The following CSMD1 variants were observed in gnomAD, a reference collection of about 807,000 sequenced individuals.
CSMD1 encodes CUB and sushi domain-containing protein 1.
In CSMD1, 213 loss-of-function variants were observed where a neutral mutation model predicts 417.5. That is an observed-to-expected ratio of 0.51 (90% CI 0.46 to 0.57). The LOEUF (loss-of-function observed/expected upper bound fraction) is 0.57. CSMD1 is among the 20% of genes least tolerant of loss of function. The probability of loss-of-function intolerance (pLI) is 0.00; values close to 1 mark genes in which losing one functional copy is unlikely to be tolerated. For synonymous variants in CSMD1, 2,862 were observed against 1,736.8 expected, an observed-to-expected ratio of 1.65 and a Z score of -16.11; for missense variants, 6,923 against 4,529.7, an observed-to-expected ratio of 1.53 and a Z score of -15.17.
chr8:3,244,106 G>A (rs561662484), intron 26 of CSMD1, among the ~76,000 whole-genome samples: 3 of 152,110 alleles, frequency 2.0e-5, no homozygotes, highest in Non-Finnish European at 4.4e-5. Flanking sequence ...AGATCACAAC[G>A]TGCGCATTAC....
At chr8:3,668,685 A>G (rs191625035) in intron 7 of CSMD1, among the ~76,000 whole-genome samples, 61 of 152,266 alleles carry the variant, frequency 4.0e-4, no homozygotes, top group African/African-American at 1.3e-3. Context: ...GAGATCAACC[A>G]GGAGTCGAAG....
At chr8:4,891,839 T>C (rs990609854) in intron 1 of CSMD1, among the ~76,000 whole-genome samples, 4 of 152,164 alleles carry the variant, frequency 2.6e-5, no homozygotes, top group Non-Finnish European at 5.9e-5. Context: ...TTGTGTAGAC[T>C]ATACACCTTG....
At chr8:4,414,244 G>C (rs1040612330) in intron 3 of CSMD1, among the ~76,000 whole-genome samples, 1 of 152,128 alleles carries the variant, frequency 6.6e-6, no homozygotes, top group African/African-American at 2.4e-5. Flanking sequence ...ATGTGTCAGA[G>C]GGAAATGCCA....
chr8:3,481,451 T>C (rs1817746153), intron 11 of CSMD1, among the ~76,000 whole-genome samples: 1 of 152,148 alleles, frequency 6.6e-6, no homozygotes, highest in Non-Finnish European at 1.5e-5. Flanking sequence ...CAAGTGCAGT[T>C]TCCATACTTC....
chr8:4,511,896 G>A (rs1051569560), intron 2 of CSMD1, among the ~76,000 whole-genome samples: 1 of 152,110 alleles, frequency 6.6e-6, no homozygotes, highest in Non-Finnish European at 1.5e-5. Flanking sequence ...TTGGGGAGGG[G>A]AAAAGGAACC....
chr8:4,177,193 C>T (rs1798099357), intron 3 of CSMD1, among the ~76,000 whole-genome samples: 1 of 152,126 alleles, frequency 6.6e-6, no homozygotes, highest in African/African-American at 2.4e-5. Flanking sequence ...AAGCTCTCCT[C>T]AGCAAATGTA....
intron 12 of CSMD1, among the ~76,000 whole-genome samples, chr8:3,432,144 G>A (rs1814258273): frequency 6.6e-6 from 1 of 152,180 alleles, no homozygotes; most frequent in African/African-American, 2.4e-5. Flanking sequence ...TGACTCAGTA[G>A]ATTGCTTGGT....
At chr8:3,642,425 C>T (rs2117323436) in intron 7 of CSMD1, among the ~76,000 whole-genome samples, 1 of 152,192 alleles carries the variant, frequency 6.6e-6, no homozygotes, top group African/African-American at 2.4e-5. Flanking sequence ...TTTATGATAC[C>T]TATATGGCTC....
intron 3 of CSMD1, among the ~76,000 whole-genome samples, chr8:4,169,533 G>T (rs114216788): frequency 6.6e-6 from 1 of 152,022 alleles, no homozygotes; most frequent in Non-Finnish European, 1.5e-5. Flanking sequence ...AGATGAAATG[G>T]CAGCCTCCAA....
At chr8:3,250,618 C>T (rs1443855444) in intron 26 of CSMD1, among the ~76,000 whole-genome samples, 3 of 152,136 alleles carry the variant, frequency 2.0e-5, no homozygotes, top group African/African-American at 4.8e-5. Flanking sequence ...GTTCTAGGTC[C>T]CTGAGGAATC....
chr8:2,954,169 T>C (rs1802835022), intron 65 of CSMD1, 55 bp downstream of exon 65: 4 of 979,722 alleles, frequency 4.1e-6, no homozygotes, highest in Admixed American at 2.8e-5. Flanking sequence ...CTGTGCAGAG[T>C]AGAGAACAAA....
At chr8:4,203,116 A>G (rs1425147414) in intron 3 of CSMD1, among the ~76,000 whole-genome samples, 4 of 152,224 alleles carry the variant, frequency 2.6e-5, no homozygotes, top group East Asian at 3.9e-4. Flanking sequence ...CCCTGTTGTC[A>G]TAACATTTCT....
At chr8:3,111,026 A>G (rs1298511236) in intron 42 of CSMD1, among the ~76,000 whole-genome samples, 5 of 152,194 alleles carry the variant, frequency 3.3e-5, no homozygotes, top group Non-Finnish European at 7.3e-5. Context: ...AACCTGAAAT[A>G]TAGTCTTTAA....
At chr8:3,482,043 G>C (rs1033480660) in intron 11 of CSMD1, among the ~76,000 whole-genome samples, 2 of 151,976 alleles carry the variant, frequency 1.3e-5, no homozygotes, top group African/African-American at 4.8e-5. Context: ...AGAAATACAT[G>C]AAATATACCA....
intron 2 of CSMD1, among the ~76,000 whole-genome samples, chr8:4,498,337 T>C (rs1458002201): frequency 2.6e-5 from 4 of 152,216 alleles, no homozygotes; most frequent in Non-Finnish European, 5.9e-5. Context: ...ACACACACGT[T>C]AACTTATTTC....
chr8:3,316,681 C>G (rs556117298), intron 23 of CSMD1, among the ~76,000 whole-genome samples: 2 of 151,992 alleles, frequency 1.3e-5, no homozygotes, highest in Admixed American at 1.3e-4. Context: ...TCCTTTTAAA[C>G]GTGTGGCGGT....
At chr8:3,732,950 T>C (rs1213092067) in intron 6 of CSMD1, among the ~76,000 whole-genome samples, 3 of 152,182 alleles carry the variant, frequency 2.0e-5, no homozygotes, top group East Asian at 3.8e-4. Context: ...TATCTATCTA[T>C]CTACTTACCT....
At chr8:3,815,330 C>T (rs369323855) in intron 5 of CSMD1, among the ~76,000 whole-genome samples, 83 of 152,198 alleles carry the variant, frequency 5.5e-4, no homozygotes, top group South Asian at 2.9e-3. Flanking sequence ...CTGAACAAAT[C>T]ATGCATTTTC....
intron 7 of CSMD1, among the ~76,000 whole-genome samples, chr8:3,650,796 T>A (rs1441698971): frequency 6.6e-6 from 1 of 152,196 alleles, no homozygotes; most frequent in Non-Finnish European, 1.5e-5. Flanking sequence ...CACCCCTTTT[T>A]TCCTTTCTCA....
Sources: allele counts gnomAD v4.1 joint callset (sites outside exome capture counted in the v4.1 genomes callset), GRCh38; gene constraint gnomAD v4.1.1; transcripts MANE v1.5; gene names NCBI Gene and HGNC (gene_info 2026-07-23, HGNC 2026-07-21).